Variants in GALNT16 observed in about 807,000 individuals in gnomAD.
The protein encoded by GALNT16 is UDP-GalNAc:polypeptide N-acetylgalactosaminyltransferase-like protein 1.
In GALNT16, 40 loss-of-function variants were observed where a neutral mutation model predicts 76.1. The ratio of observed to expected loss-of-function variants is 0.53; its 90% CI spans 0.41 to 0.68. GALNT16 has a LOEUF of 0.68. Ranked by LOEUF, GALNT16 falls within the 30% of genes least tolerant of loss-of-function variation. The pLI is 0.00. For missense variants in GALNT16, 621 were observed against 731.9 expected, an observed-to-expected ratio of 0.85 and a Z score of 1.75; for synonymous variants, 276 against 285.2, an observed-to-expected ratio of 0.97 and a Z score of 0.32.
chr14:69,327,749 A>C (rs1286467040), intron 5 of GALNT16, among the ~76,000 whole-genome samples: 1 of 152,188 alleles, frequency 6.6e-6, no homozygotes, highest in East Asian at 1.9e-4. Context: ...TGGCAGGGGC[A>C]GGAGAAGCTG....
At position 69,352,644 on chromosome 14, in the gene GALNT16, GA is replaced by G. The variant is rs1337560434; in HGVS notation, c.*477del. The stretch of plus-strand genomic sequence containing the variant: ...TGAAGGCTGGGAAGAGGGAAGGGGA[GA>G]GGGGCAGCCTGCAGGGGTAGCTGAA... On this transcript the variant is annotated 3_prime_UTR_variant, in exon 15 of 15. Coordinates refer to ENST00000448469, the MANE Select transcript of GALNT16 (RefSeq NM_001168368.2). The G allele has an allele frequency of 6.4e-6, 1 of 155,354 alleles. No individual in the cohort carries two copies. Among genetic ancestry groups the G allele is most frequent in the African/African-American group, 2.4e-5 (1 of 41,518 alleles). The allele number at this position is 155,354 out of a possible 1,614,324, so 9.6% of individuals were successfully genotyped here.
rs776793934 is a variant in GALNT16 at position 69,328,467 on chromosome 14, G to C, written c.586G>C (p.Val196Leu). ...TCTTGTAGGGCTGATCCGGTCCCGA[G>C]TGCGTGGGGCGGACGTGGCTGCAGC... ...DRREGLIRSR[V>L]RGADVAAATV... The change falls in exon 6 of 15, where the codon GTG (valine) becomes CTG (leucine). Residue 196 changes from valine to leucine, a missense_variant. By Grantham distance (32) the Val-to-Leu change is conservative (BLOSUM62 1). Transcript: ENST00000448469. 3.7e-6 allele frequency: 6 copies of C among 1,613,982 alleles called. No individual in the cohort carries two copies. The Admixed American group carries it at 8.3e-5, about 22-fold the overall frequency.
chr14:69,269,169 G>A (rs563356108), intron 1 of GALNT16, among the ~76,000 whole-genome samples: 1 of 152,158 alleles, frequency 6.6e-6, no homozygotes, highest in Non-Finnish European at 1.5e-5. Flanking sequence ...TAATGTGTGT[G>A]TATAAAAGCG....
rs2045266289 is a variant in GALNT16 at position 69,325,333 on chromosome 14, G to A, written c.435-4G>A. 1 of 1,568,438 alleles carries A rather than the reference G, an allele frequency of 6.4e-7. No individual in the cohort carries two copies. The highest frequency in any genetic ancestry group is 8.8e-7 in the Non-Finnish European group (1 of 1,138,146). ...CTCTTTCTCTGTTTCCACTGCTACT[G>A]TAGTGTCCTGAACCGAACTCCTGCC... On this transcript the variant is annotated splice_polypyrimidine_tract_variant and splice_region_variant and intron_variant, in intron 3 of 14. Transcript: ENST00000448469.
At chr14:69,369,624 T>C in the GALNT16 span, among the ~76,000 whole-genome samples, 1,211 of 152,290 alleles carry the variant, frequency 8.0e-3, 11 homozygotes, top group African/African-American at 0.028. Flanking sequence ...CCTCCCCAGC[T>C]CTGTCCACGT....
chr14:69,326,698 G>T (rs975378577), intron 5 of GALNT16, among the ~76,000 whole-genome samples: 4 of 152,238 alleles, frequency 2.6e-5, no homozygotes, highest in Admixed American at 2.6e-4. Context: ...TCAGTCAGGG[G>T]TATGGGCATG....
intron 1 of GALNT16, among the ~76,000 whole-genome samples, chr14:69,292,693 C>G (rs955266546): frequency 2.0e-5 from 3 of 152,208 alleles, no homozygotes; most frequent in Non-Finnish European, 4.4e-5. Context: ...TTTCTTATAC[C>G]AAAGTCACAG....
At chr14:69,381,951 A>C in the GALNT16 span, among the ~76,000 whole-genome samples, 1 of 152,232 alleles carries the variant, frequency 6.6e-6, no homozygotes, top group South Asian at 2.1e-4. Flanking sequence ...TCGGCCGCCC[A>C]AAGTGCTGGG....
chr14:69,373,324 A>G, the GALNT16 span, among the ~76,000 whole-genome samples: 2 of 152,238 alleles, frequency 1.3e-5, no homozygotes, highest in East Asian at 3.8e-4. Flanking sequence ...CATTTCTCTT[A>G]AATTACAGCC....
intron 1 of GALNT16, among the ~76,000 whole-genome samples, chr14:69,286,875 G>A (rs1238017117): frequency 6.6e-6 from 1 of 152,124 alleles, no homozygotes; most frequent in African/African-American, 2.4e-5. Context: ...ATAATAAAAT[G>A]TCGATGTTTT....
At chr14:69,382,045 T>G in the GALNT16 span, among the ~76,000 whole-genome samples, 191 of 152,314 alleles carry the variant, frequency 1.3e-3, 5 homozygotes, top group East Asian at 0.031. Context: ...AGTTATTAGC[T>G]AGGTAATGCT....
At chr14:69,264,108 G>T (rs2044310460) in intron 1 of GALNT16, among the ~76,000 whole-genome samples, 1 of 152,192 alleles carries the variant, frequency 6.6e-6, no homozygotes, top group African/African-American at 2.4e-5. Context: ...AGGCTAAGGT[G>T]TTATATGGAA....
intron 1 of GALNT16, among the ~76,000 whole-genome samples, chr14:69,264,191 A>G (rs1182745330): frequency 6.6e-6 from 1 of 152,226 alleles, no homozygotes; most frequent in African/African-American, 2.4e-5. Context: ...ACAGTCTCCT[A>G]TTTAGAACTG....
chr14:69,322,979 T>TGCGC lies in GALNT16; in HGVS notation c.336-1712_336-1711insCGCG, dbSNP rs759883041. Among the ~76,000 whole-genome samples, 2 of 31,744 alleles carry TGCGC rather than the reference T, an allele frequency of 6.3e-5. 1 individual carries two copies. The highest frequency in any genetic ancestry group is 3.3e-3 in the South Asian group (2 of 600). 20.8% of individuals were successfully genotyped at this position (31,744 alleles called of 152,430 possible). ...GTGTGTGTGTGTGTGTGTGTGTGTG[T>TGCGC]GTGCGCGCGCACGCGCGCACGCATG... is the stretch of plus-strand genomic sequence containing the variant. On this transcript the variant is annotated intron_variant, in intron 2 of 14. Transcript: ENST00000448469.
chr14:69,292,755 C>T (rs1223993007), intron 1 of GALNT16, among the ~76,000 whole-genome samples: 1 of 152,220 alleles, frequency 6.6e-6, no homozygotes, highest in Non-Finnish European at 1.5e-5. Context: ...ATGGTGGCTT[C>T]CCCCTACCAG....
At chr14:69,362,746 G>A in the GALNT16 span, among the ~76,000 whole-genome samples, 1 of 152,228 alleles carries the variant, frequency 6.6e-6, no homozygotes, top group Non-Finnish European at 1.5e-5. Flanking sequence ...ACGTTTATGC[G>A]ACCCTGGGCA....
chr14:69,328,165 C>T (rs547705549), intron 5 of GALNT16, among the ~76,000 whole-genome samples: 10 of 152,218 alleles, frequency 6.6e-5, no homozygotes, highest in South Asian at 2.1e-4. Flanking sequence ...GCACTTTCCA[C>T]GCTCTAAACT....
chr14:69,299,510 T>G (rs1378404660), intron 1 of GALNT16, among the ~76,000 whole-genome samples: 1 of 152,146 alleles, frequency 6.6e-6, no homozygotes, highest in Non-Finnish European at 1.5e-5. Context: ...GCTCCAGAGC[T>G]GGGGCAGCCT....
intron 14 of GALNT16, chr14:69,348,235 A>G (rs1301167737): frequency 1.2e-5 from 7 of 597,270 alleles, no homozygotes; most frequent in Non-Finnish European, 2.1e-5. Flanking sequence ...TGTGAGCTCC[A>G]TGAAGGCAGG....
Sources: gnomAD v4.1 joint callset for allele counts (sites outside exome capture counted in the v4.1 genomes callset) on GRCh38, gnomAD v4.1.1 for gene constraint, MANE v1.5 for transcripts, NCBI Gene and HGNC (gene_info 2026-07-23, HGNC 2026-07-21) for gene names.